PSD3: variants seen among roughly 807,000 people sequenced by gnomAD.
PSD3 encodes PH and SEC7 domain-containing protein 3.
In PSD3, 49 loss-of-function variants were observed where a neutral mutation model predicts 105.5. That is an observed-to-expected ratio of 0.46 (90% CI 0.37 to 0.59). The LOEUF is 0.59. Among genes scored for constraint, PSD3 ranks in the 20% least tolerant of loss-of-function variants. The pLI is 0.00. For missense variants in PSD3, 1,561 were observed against 1,263.8 expected, an observed-to-expected ratio of 1.24 and a Z score of -3.57; for synonymous variants, 557 against 457.8, an observed-to-expected ratio of 1.22 and a Z score of -2.77.
At chr8:18,943,057 C>G (rs1822651080) in intron 1 of PSD3, among the ~76,000 whole-genome samples, 2 of 152,176 alleles carry the variant, frequency 1.3e-5, no homozygotes, top group African/African-American at 4.8e-5. Flanking sequence ...ATGTATAATA[C>G]TCTAATCCAG....
intron 2 of PSD3, among the ~76,000 whole-genome samples, chr8:18,913,217 C>A (rs1009366368): frequency 3.9e-5 from 6 of 152,012 alleles, no homozygotes; most frequent in African/African-American, 1.4e-4. Context: ...CATGTCTCTG[C>A]AACTACTGCC....
At chr8:18,775,214 A>G (rs1429810137) in intron 8 of PSD3, among the ~76,000 whole-genome samples, 1 of 152,178 alleles carries the variant, frequency 6.6e-6, no homozygotes, top group East Asian at 1.9e-4. Flanking sequence ...TGGCCGAGTA[A>G]TATTCCACTT....
At chr8:18,806,784 C>T (rs1386688) in intron 4 of PSD3, among the ~76,000 whole-genome samples, 3 of 152,072 alleles carry the variant, frequency 2.0e-5, no homozygotes, top group South Asian at 2.1e-4. Flanking sequence ...GCATTAAGCA[C>T]AATAACCATT....
intron 9 of PSD3, among the ~76,000 whole-genome samples, chr8:18,692,848 C>A (rs1480277810): frequency 6.6e-6 from 1 of 152,116 alleles, no homozygotes; most frequent in Non-Finnish European, 1.5e-5. Flanking sequence ...TGGATAAGGT[C>A]TCTCTGAAAT....
At chr8:18,945,067 GAC>G (rs36067698) in intron 1 of PSD3, among the ~76,000 whole-genome samples, 33 of 151,298 alleles carry the variant, frequency 2.2e-4, no homozygotes, top group Admixed American at 9.2e-4. Flanking sequence ...ATTTCAGACA[GAC>G]ACACACACAC....
intron 11 of PSD3, among the ~76,000 whole-genome samples, chr8:18,619,893 C>A (rs1805977779): frequency 6.6e-6 from 1 of 152,204 alleles, no homozygotes; most frequent in Non-Finnish European, 1.5e-5. Flanking sequence ...GGGAAATTAA[C>A]ATCTTTGGAG....
intron 14 of PSD3, among the ~76,000 whole-genome samples, chr8:18,566,008 G>T (rs559515041): frequency 2.2e-4 from 34 of 152,226 alleles, no homozygotes; most frequent in African/African-American, 8.2e-4. Flanking sequence ...TGGGTTAAAG[G>T]ATGAGAGCTA....
rs1828666472 is a variant in PSD3 at position 19,055,162 on chromosome 8, G to A, written c.324+29044C>T. The stretch of plus-strand genomic sequence containing the variant: ...ACTGAGAGCCAGATGTTGCTATGTT[G>A]CCATAGAATAGTCTTGCCTAGCTTA... On this transcript the variant is annotated intron_variant, in intron 1 of 1. Coordinates refer to the PSD3 transcript ENST00000521475. 2.0e-5 allele frequency among the ~76,000 whole-genome samples: 3 copies of A among 152,140 alleles called. No homozygotes were observed. The South Asian group carries it at 6.2e-4, about 31-fold the overall frequency.
chr8:18,586,673 G>A (rs550214656), intron 12 of PSD3, among the ~76,000 whole-genome samples: 1 of 152,074 alleles, frequency 6.6e-6, no homozygotes, highest in Non-Finnish European at 1.5e-5. Flanking sequence ...GAATTCTTTC[G>A]AAGACCAATT....
chr8:18,762,544 T>A (rs1197830638), intron 9 of PSD3, among the ~76,000 whole-genome samples: 1 of 152,234 alleles, frequency 6.6e-6, no homozygotes. Flanking sequence ...TAATATGCTA[T>A]CACTGGTTGT....
At chr8:18,830,896 C>T (rs1005052336) in intron 4 of PSD3, among the ~76,000 whole-genome samples, 2 of 152,188 alleles carry the variant, frequency 1.3e-5, no homozygotes, top group Non-Finnish European at 2.9e-5. Flanking sequence ...ATGGAAAATA[C>T]CTACAAGAGC....
intron 8 of PSD3, among the ~76,000 whole-genome samples, chr8:18,779,782 G>C (rs1251466683): frequency 6.6e-6 from 1 of 151,978 alleles, no homozygotes; most frequent in East Asian, 1.9e-4. Flanking sequence ...TTCCATCGTG[G>C]TCTGAGAAGA....
At chr8:18,586,555 G>T (rs1425824626) in intron 12 of PSD3, among the ~76,000 whole-genome samples, 1 of 152,206 alleles carries the variant, frequency 6.6e-6, no homozygotes, top group Non-Finnish European at 1.5e-5. Flanking sequence ...TGGGGCAGGG[G>T]GTGGTTTGTG....
At chr8:19,004,061 T>C (rs979207003) in intron 1 of PSD3, among the ~76,000 whole-genome samples, 1 of 152,054 alleles carries the variant, frequency 6.6e-6, no homozygotes, top group Non-Finnish European at 1.5e-5. Context: ...AGGTAATTCT[T>C]GACAGACAAG....
chr8:18,566,358 C>G (rs1158495239), intron 14 of PSD3, among the ~76,000 whole-genome samples: 1 of 151,816 alleles, frequency 6.6e-6, no homozygotes, highest in South Asian at 2.1e-4. Flanking sequence ...AACCTTATCT[C>G]TACTAAAAAT....
chr8:18,826,595 G>C (rs1374441076), intron 4 of PSD3, among the ~76,000 whole-genome samples: 3 of 152,162 alleles, frequency 2.0e-5, no homozygotes, highest in Non-Finnish European at 4.4e-5. Context: ...ATCAAAGAAG[G>C]AAAGAGTCAT....
rs540972764 is a variant in PSD3, at chr8:18,646,027, G to C, written c.2216+9615C>G. Among the ~76,000 whole-genome samples the C allele has an allele frequency of 3.2e-3, 482 of 152,142 alleles. 2 individuals carry two copies. The highest frequency in any genetic ancestry group is 5.6e-3 in the Admixed American group (85 of 15,290). On this transcript the variant is annotated intron_variant, in intron 10 of 15. Coordinates refer to ENST00000327040, the MANE Select transcript of PSD3 (RefSeq NM_015310.4). ...ATTGTCCAGCTTAATATTTTACCAA[G>C]AGTCCAGTATGATGTAGTTTCTGCT...
intron 9 of PSD3, among the ~76,000 whole-genome samples, chr8:18,672,566 G>T (rs1799843733): frequency 6.6e-6 from 1 of 152,188 alleles, no homozygotes; most frequent in Non-Finnish European, 1.5e-5. Context: ...AAATTTTAGG[G>T]AGCTAAATAG....
At chr8:18,588,059 TTAAC>T (rs894494472) in intron 12 of PSD3, among the ~76,000 whole-genome samples, 1 of 152,088 alleles carries the variant, frequency 6.6e-6, no homozygotes, top group African/African-American at 2.4e-5. Flanking sequence ...GGGAAGAAGT[TTAAC>T]TATCTACTAC....
Sources: allele counts gnomAD v4.1 joint callset (sites outside exome capture counted in the v4.1 genomes callset), GRCh38; gene constraint gnomAD v4.1.1; transcripts MANE v1.5; gene names NCBI Gene and HGNC (gene_info 2026-07-23, HGNC 2026-07-21).